Variants in EPHA5 observed in about 807,000 individuals in gnomAD.
The protein encoded by EPHA5 is ephrin type-A receptor 5.
In EPHA5, 60 loss-of-function variants were observed where a neutral mutation model predicts 105.0. The observed-to-expected ratio is 0.57, with a 90% CI of 0.46 to 0.71. The LOEUF is 0.71. Ranked by LOEUF, EPHA5 falls within the 30% of genes least tolerant of loss-of-function variation. The pLI, the probability that EPHA5 is intolerant of heterozygous loss-of-function variation, is 0.00. For synonymous variants in EPHA5, 513 were observed against 449.1 expected, an observed-to-expected ratio of 1.14 and a Z score of -1.80; for missense variants, 1,218 against 1,274.7, an observed-to-expected ratio of 0.96 and a Z score of 0.68.
In EPHA5 at chr4:65,416,061, G is replaced by T. The variant is rs191292660; in HGVS notation, c.1528-1618C>A. Among the ~76,000 whole-genome samples, 5 of 151,784 alleles carry T rather than the reference G, an allele frequency of 3.3e-5. No homozygotes were observed. In the South Asian group the frequency reaches 1.0e-3, roughly 32 times the overall value. On this transcript the variant is annotated intron_variant, in intron 6 of 16. Coordinates refer to ENST00000613740, the MANE Select transcript of EPHA5 (RefSeq NM_001281766.3). Reference sequence around the variant, plus strand: ...CAATAATATTCAACTTTCCAGTCTGGCTATGATTGCAGTAGTAACTCTCAG... The same window carrying T: ...CAATAATATTCAACTTTCCAGTCTGTCTATGATTGCAGTAGTAACTCTCAG...
intron 8 of EPHA5, among the ~76,000 whole-genome samples, chr4:65,394,937 C>G (rs1721071575): frequency 6.6e-6 from 1 of 152,114 alleles, no homozygotes; most frequent in Admixed American, 6.6e-5. Flanking sequence ...ATACTCTTCA[C>G]AAAGTACTCA....
chr4:65,362,845 T>C (rs897859148), intron 11 of EPHA5, among the ~76,000 whole-genome samples: 1 of 151,734 alleles, frequency 6.6e-6, no homozygotes, highest in African/African-American at 2.4e-5. Context: ...ACGATCTTTG[T>C]CTTCAAGGAA....
At chr4:65,489,972 T>C (rs551868241) in intron 5 of EPHA5, among the ~76,000 whole-genome samples, 16 of 152,166 alleles carry the variant, frequency 1.1e-4, no homozygotes, top group Admixed American at 9.8e-4. Context: ...AGCAAGCAAA[T>C]AAACAAGCAA....
intron 2 of EPHA5, among the ~76,000 whole-genome samples, chr4:65,615,122 C>T (rs1461387042): frequency 6.6e-6 from 1 of 151,552 alleles, no homozygotes; most frequent in Non-Finnish European, 1.5e-5. Context: ...TGGAAAAATA[C>T]ACTAAATTCA....
At chr4:65,343,747 G>A (rs192770153) in intron 14 of EPHA5, among the ~76,000 whole-genome samples, 17 of 152,080 alleles carry the variant, frequency 1.1e-4, no homozygotes, top group East Asian at 3.9e-4. Context: ...TGCATGCATT[G>A]GACATTGTAT....
chr4:65,442,608 T>C (rs1726127884), intron 5 of EPHA5, among the ~76,000 whole-genome samples: 1 of 152,206 alleles, frequency 6.6e-6, no homozygotes, highest in Non-Finnish European at 1.5e-5. Context: ...CATCCAGATA[T>C]GTAAGTGCTC....
intron 2 of EPHA5, among the ~76,000 whole-genome samples, chr4:65,641,621 G>T (rs1029923323): frequency 6.6e-6 from 1 of 151,614 alleles, no homozygotes; most frequent in Non-Finnish European, 1.5e-5. Flanking sequence ...TTTTGCATTC[G>T]AGTGATACAA....
At chr4:65,395,288 GCTA>G (rs963976749) in intron 8 of EPHA5, among the ~76,000 whole-genome samples, 1 of 152,018 alleles carries the variant, frequency 6.6e-6, no homozygotes, top group African/African-American at 2.4e-5. Context: ...TACTTATCAC[GCTA>G]CTAAGTAAGA....
intron 1 of EPHA5, among the ~76,000 whole-genome samples, chr4:65,649,529 T>C (rs1437986837): frequency 3.3e-5 from 5 of 152,212 alleles, no homozygotes; most frequent in African/African-American, 4.8e-5. Flanking sequence ...CAAAGTATTT[T>C]CTAAAAATTT....
In EPHA5 at chr4:65,323,397, T is replaced by G; in HGVS notation, c.*717A>C. ...CATGTGCAAGCAAACACACACACAATTCCATCTTAAATCAGTTCCTGGGTA... is the reference window on the plus strand; with the variant it reads ...CATGTGCAAGCAAACACACACACAAGTCCATCTTAAATCAGTTCCTGGGTA... On this transcript the variant is annotated 3_prime_UTR_variant, in exon 17 of 17. Coordinates refer to ENST00000613740, the MANE Select transcript of EPHA5 (RefSeq NM_001281766.3). The G allele has an allele frequency of 4.3e-6, 1 of 230,078 alleles. No homozygotes were observed. 14.3% of individuals were successfully genotyped at this position (230,078 alleles called of 1,614,324 possible).
intron 3 of EPHA5, among the ~76,000 whole-genome samples, chr4:65,500,142 A>T (rs999881233): frequency 3.3e-5 from 5 of 151,560 alleles, no homozygotes; most frequent in African/African-American, 1.2e-4. Flanking sequence ...CAATTTATTT[A>T]AATACCAATC....
intron 5 of EPHA5, among the ~76,000 whole-genome samples, chr4:65,454,531 G>C (rs1727385062): frequency 6.6e-6 from 1 of 152,136 alleles, no homozygotes. Flanking sequence ...GATTTCCATA[G>C]ATTCAACAGC....
chr4:65,529,931 A>G (rs1470100378), intron 3 of EPHA5, among the ~76,000 whole-genome samples: 1 of 152,176 alleles, frequency 6.6e-6, no homozygotes, highest in African/African-American at 2.4e-5. Context: ...GGAAACATTG[A>G]TACCTAAGGT....
intron 3 of EPHA5, among the ~76,000 whole-genome samples, chr4:65,600,973 T>C (rs1743662802): frequency 6.6e-6 from 1 of 151,076 alleles, no homozygotes; most frequent in Admixed American, 6.6e-5. Context: ...GAAAAAAAAA[T>C]CCCCCAGGGC....
intron 8 of EPHA5, among the ~76,000 whole-genome samples, chr4:65,370,475 A>G (rs2148903205): frequency 6.6e-6 from 1 of 152,282 alleles, no homozygotes; most frequent in Middle Eastern, 3.4e-3. Flanking sequence ...TTCTACAGAG[A>G]CCTGAAAGCT....
chr4:65,427,843 A>G (rs1224992153), intron 5 of EPHA5, among the ~76,000 whole-genome samples: 1 of 152,198 alleles, frequency 6.6e-6, no homozygotes, highest in Non-Finnish European at 1.5e-5. Context: ...TCTGAATAAT[A>G]GTATAATACT....
intron 3 of EPHA5, chr4:65,573,727 C>G: frequency 1.2e-6 from 2 of 1,601,730 alleles, no homozygotes; most frequent in Non-Finnish European, 1.7e-6. Context: ...AAGGTTCTTG[C>G]AACTGTTACA....
rs1720463850 is a variant in EPHA5, at chr4:65,330,120, A to G, written c.2945+1853T>C. Among the ~76,000 whole-genome samples the G allele has an allele frequency of 2.6e-5, 4 of 151,384 alleles. No homozygotes were observed. The Admixed American group carries it at 2.6e-4, about 10-fold the overall frequency. ...TGGAGCAGTTACTATAGACAGACCAATACTTTCTGAATGGGAAAATGCTGG... is the reference window on the plus strand; with the variant it reads ...TGGAGCAGTTACTATAGACAGACCAGTACTTTCTGAATGGGAAAATGCTGG... On this transcript the variant is annotated intron_variant, in intron 16 of 16. Transcript: ENST00000613740.
intron 3 of EPHA5, among the ~76,000 whole-genome samples, chr4:65,578,251 G>GCATA (rs1245668335): frequency 6.6e-6 from 1 of 152,080 alleles, no homozygotes; most frequent in African/African-American, 2.4e-5. Flanking sequence ...AGGGGGCGGG[G>GCATA]CATACATACA....
Sources: gnomAD v4.1 joint callset for allele counts (sites outside exome capture counted in the v4.1 genomes callset) on GRCh38, gnomAD v4.1.1 for gene constraint, MANE v1.5 for transcripts, NCBI Gene and HGNC (gene_info 2026-07-23, HGNC 2026-07-21) for gene names.